DNAJA3: variants seen among roughly 807,000 people sequenced by gnomAD.
The protein encoded by DNAJA3 is dnaJ homolog subfamily A member 3, mitochondrial.
DNAJA3 carries 29 observed loss-of-function variants against 54.9 expected under a neutral mutation model. The observed-to-expected ratio is 0.53, with a 90% CI of 0.39 to 0.72. The LOEUF (loss-of-function observed/expected upper bound fraction) is 0.72. DNAJA3 is among the 30% of genes least tolerant of loss of function. The probability of loss-of-function intolerance (pLI) is 0.00; values close to 1 mark genes in which losing one functional copy is unlikely to be tolerated. For synonymous variants in DNAJA3, 302 were observed against 251.4 expected (o/e 1.20, Z -1.90); for missense variants, 708 against 639.4 (o/e 1.11, Z -1.16).
At chr16:4,436,566 C>T (rs550523052) in intron 2 of DNAJA3, among the ~76,000 whole-genome samples, 18 of 152,260 alleles carry the variant, frequency 1.2e-4, no homozygotes, top group East Asian at 1.9e-4. Context: ...GACAGAGTCT[C>T]GCCGTGTGGC....
At chr16:4,440,809 A>G (rs908996583) in intron 3 of DNAJA3, 4 of 153,714 alleles carry the variant, frequency 2.6e-5, no homozygotes, top group Admixed American at 1.3e-4. Flanking sequence ...TGTCTCTACA[A>G]AAACTTAAAA....
rs185750117 is a variant in DNAJA3, at chr16:4,453,081, G to A, written c.1340-1730G>A. On this transcript the variant is annotated intron_variant, in intron 10 of 11. Transcript: ENST00000262375. ...GATTTATTTATTTATTTGAGGCAGA[G>A]TCTTGCTCTGTGGCCCAGCCTGGAG... Among the ~76,000 whole-genome samples, 587 of 152,290 alleles carry A rather than the reference G, an allele frequency of 3.9e-3. 5 individuals carry two copies. The highest frequency in any genetic ancestry group is 0.013 in the African/African-American group (556 of 41,558).
At chr16:4,448,932 T>G in intron 9 of DNAJA3, 84 bp downstream of exon 9, 1 of 1,003,242 alleles carries the variant, frequency 1.0e-6, no homozygotes, top group South Asian at 1.4e-5. Flanking sequence ...GGCAGGTTAC[T>G]GCTCCCTGTA....
chr16:4,447,312 C>G (rs2141389603), intron 8 of DNAJA3: 2 of 323,158 alleles, frequency 6.2e-6, no homozygotes, highest in Middle Eastern at 1.7e-3. Context: ...GTTGTGCTCT[C>G]TGCACTTGCT....
intron 1 of DNAJA3, among the ~76,000 whole-genome samples, chr16:4,432,687 C>T (rs2056719733): frequency 1.3e-5 from 2 of 152,070 alleles, no homozygotes; most frequent in South Asian, 2.1e-4. Flanking sequence ...AAAACACCTC[C>T]AGTCTGGGCG....
chr16:4,446,730 T>G (rs1236350961), intron 7 of DNAJA3, among the ~76,000 whole-genome samples, 156 bp from the exon 8 acceptor site: 1 of 152,154 alleles, frequency 6.6e-6, no homozygotes, highest in Non-Finnish European at 1.5e-5. Context: ...TGGTGTCTCC[T>G]TGTTGGAAGG....
Position 4,450,482 on chromosome 16 carries a change from A to T in DNAJA3, c.1324A>T (p.Thr442Ser), listed in dbSNP as rs1483809180. ...TDVEGTVNGV[T>S]LTSSGGSTMD... ...TGTGGAGGGGACGGTGAACGGCGTC[A>T]CCCTCACCAGCTCTGGTAAGGAGTC... The change falls in exon 10 of 12, where the codon ACC becomes TCC. Residue 442 changes from threonine (T) to serine (S), a missense_variant. Thr to Ser is a moderately conservative substitution (Grantham distance 58). Transcript: ENST00000262375. 1.9e-6 allele frequency: 3 copies of T among 1,608,964 alleles called. No homozygotes were observed. Among genetic ancestry groups the T allele is most frequent in the Non-Finnish European group, 2.5e-6 (3 of 1,178,038 alleles).
intron 2 of DNAJA3, 116 bp downstream of exon 2, chr16:4,434,633 G>A (rs1436761857): frequency 8.2e-7 from 1 of 1,218,074 alleles, no homozygotes; most frequent in African/African-American, 1.5e-5. Flanking sequence ...TGAGCTGATA[G>A]TATAGAAGGG....
intron 6 of DNAJA3, among the ~76,000 whole-genome samples, chr16:4,443,744 T>G (rs2056867030): frequency 6.6e-6 from 1 of 151,930 alleles, no homozygotes; most frequent in African/African-American, 2.4e-5. Flanking sequence ...TGGAGCGCAG[T>G]GGCCCGATCT....
intron 2 of DNAJA3, 90 bp downstream of exon 2, chr16:4,434,607 A>G: frequency 6.8e-7 from 1 of 1,468,464 alleles, no homozygotes; most frequent in South Asian, 1.3e-5. Context: ...GTATGTGCCC[A>G]TATGAATAGG....
Position 4,454,928 on chromosome 16 carries a change from G to A in DNAJA3, c.*13+1G>A, listed in dbSNP as rs1433227839. ...TTTACCTCATGATATCCCAGCCGAG[G>A]TAGGAAAACCCTGGAGGTTTTTTTT... On this transcript the variant is annotated splice_donor_variant, in intron 11 of 11. Coordinates refer to ENST00000262375, the MANE Select transcript of DNAJA3 (RefSeq NM_005147.6). LOFTEE classifies it low-confidence loss of function (3UTR_SPLICE). 5 of 1,600,452 alleles carry A rather than the reference G, an allele frequency of 3.1e-6. No individual in the cohort carries two copies. The highest frequency in any genetic ancestry group is 4.5e-5 in the East Asian group (2 of 44,802).
chr16:4,434,959 C>T (rs1435259805), intron 2 of DNAJA3, among the ~76,000 whole-genome samples: 4 of 142,376 alleles, frequency 2.8e-5, no homozygotes, highest in Non-Finnish European at 6.0e-5. Context: ...TGCAGTGGCG[C>T]AATCTTGGCT....
Position 4,443,110 on chromosome 16 carries a change from A to G in DNAJA3, c.877A>G (p.Arg293Gly), listed in dbSNP as rs1369390321. The G allele has an allele frequency of 6.2e-7, 1 of 1,613,876 alleles. No individual in the cohort carries two copies. Residue 293 changes from arginine to glycine, a missense_variant, in exon 6 of 12, where the codon AGG becomes GGG. Arg to Gly is a moderately radical substitution (Grantham distance 125, BLOSUM62 -2). Transcript: ENST00000262375. ...CATCATATCGCCCTGTGTGGTCTGC[A>G]GGGGAGCAGGACAAGCCAAGCAGAA... The part of the protein sequence containing the change: ...SIIISPCVVC[R>G]GAGQAKQKKR...
intron 2 of DNAJA3, among the ~76,000 whole-genome samples, chr16:4,436,336 A>G (rs1457202733): frequency 6.6e-6 from 1 of 152,214 alleles, no homozygotes; most frequent in East Asian, 1.9e-4. Context: ...TTGGACTCAC[A>G]TGACAGTTGA....
rs1199498877 is a variant in DNAJA3, at chr16:4,450,497, G to T, written c.1339G>T (p.Gly447Cys). Residue 447 changes from glycine to cysteine, a missense_variant and splice_region_variant, in exon 10 of 12, where the codon GGT (glycine) becomes TGT (cysteine). By Grantham distance (159) the Gly-to-Cys change is radical. Coordinates refer to ENST00000262375, the MANE Select transcript of DNAJA3 (RefSeq NM_005147.6). ...GAACGGCGTCACCCTCACCAGCTCT[G>T]GTAAGGAGTCTGAAGACTACATGGT... ...TVNGVTLTSS[G>C]GSTMDSSAGS... The T allele has an allele frequency of 1.2e-6, 2 of 1,604,918 alleles. No homozygotes were observed. The highest frequency in any genetic ancestry group is 1.7e-6 in the Non-Finnish European group (2 of 1,175,890).
At chr16:4,437,193 ACTC>A (rs2141376851) in intron 2 of DNAJA3, among the ~76,000 whole-genome samples, 1 of 151,160 alleles carries the variant, frequency 6.6e-6, no homozygotes, top group Admixed American at 6.6e-5. Context: ...CTGGTGTTGA[ACTC>A]CTGAGCTTAA....
intron 2 of DNAJA3, among the ~76,000 whole-genome samples, chr16:4,434,794 C>G (rs371319724): frequency 4.0e-5 from 6 of 150,440 alleles, no homozygotes; most frequent in African/African-American, 1.5e-4. Context: ...TCTGTATTTT[C>G]TGAATCAGTA....
Position 4,455,745 on chromosome 16 carries a change from C to T in DNAJA3, c.*213C>T. 2.9e-6 allele frequency: 2 copies of T among 684,658 alleles called. No individual in the cohort carries two copies. The highest frequency in any genetic ancestry group is 1.8e-5 in the South Asian group (1 of 54,790). The allele number at this position is 684,658 out of a possible 1,614,324, so 42.4% of individuals were successfully genotyped here. On this transcript the variant is annotated 3_prime_UTR_variant, in exon 12 of 12. Transcript: ENST00000262375. ...AGTGGACAGCCCGGGCAGTAGGATG[C>T]AGCCCCAGAGGCTGGTGGCAGTTTC...
chr16:4,435,281 T>G (rs915573589), intron 2 of DNAJA3, among the ~76,000 whole-genome samples: 2 of 152,056 alleles, frequency 1.3e-5, no homozygotes, highest in Non-Finnish European at 2.9e-5. Context: ...TAAAGTTGTA[T>G]ACGAGATGTC....
Sources: allele counts gnomAD v4.1 joint callset (sites outside exome capture counted in the v4.1 genomes callset), GRCh38; gene constraint gnomAD v4.1.1; transcripts MANE v1.5; gene names NCBI Gene and HGNC (gene_info 2026-07-23, HGNC 2026-07-21).